Variants in RPGRIP1L observed in about 807,000 individuals in gnomAD.
The protein encoded by RPGRIP1L is RPGRIP1 like.
In RPGRIP1L, 131 loss-of-function variants were observed where a neutral mutation model predicts 160.4. That is an observed-to-expected ratio of 0.82 (90% CI 0.71 to 0.94). RPGRIP1L has a LOEUF of 0.94. Ranked by LOEUF, RPGRIP1L falls within the 40% of genes least tolerant of loss-of-function variation. RPGRIP1L has a pLI of 0.00. For missense variants in RPGRIP1L, 1,522 were observed against 1,535.8 expected (o/e 0.99, Z 0.15); for synonymous variants, 510 against 515.8 (o/e 0.99, Z 0.15).
rs922255481 is a variant in RPGRIP1L at position 53,607,668 on chromosome 16, T to C, written c.3702-2054A>G. Among the ~76,000 whole-genome samples, 6 of 152,332 alleles carry C rather than the reference T, an allele frequency of 3.9e-5. No homozygotes were observed. In the South Asian group the frequency reaches 8.3e-4, roughly 21 times the overall value. ...GTATCACTTTACAAATGCAGACAATTACCTCCACTGAATATATGAGAATTC... is the reference window on the plus strand; with the variant it reads ...GTATCACTTTACAAATGCAGACAATCACCTCCACTGAATATATGAGAATTC... On this transcript the variant is annotated intron_variant, in intron 25 of 26. Transcript: ENST00000647211.
intron 10 of RPGRIP1L, chr16:53,659,101 G>T: frequency 3.1e-6 from 2 of 655,084 alleles, no homozygotes; most frequent in South Asian, 2.3e-5. Context: ...AAAAACCCAA[G>T]ACATAAGTTC....
chr16:53,605,454 C>A (rs1963618744), intron 26 of RPGRIP1L, 27 bp downstream of exon 26: 1 of 1,613,894 alleles, frequency 6.2e-7, no homozygotes, highest in South Asian at 1.1e-5. Context: ...GTTGGTTGCA[C>A]AAACTGAGCA....
rs781713688 is a variant in RPGRIP1L, at chr16:53,656,490, G to A, written c.1681C>T (p.Arg561Cys). The stretch of plus-strand genomic sequence containing the variant: ...GTTGTACCTTCTAGTTTATGGATAC[G>A]TGCAGCCCTGATATCAAGAAGATGA... ...YVHLLDIRAARIHKLEAQLKD... is the reference protein window; with the variant it reads ...YVHLLDIRAACIHKLEAQLKD... The change falls in exon 14 of 27, where the codon CGT becomes TGT. Residue 561 changes from arginine to cysteine, a missense_variant. By Grantham distance (180) the Arg-to-Cys change is radical. Coordinates refer to ENST00000647211, the MANE Select transcript of RPGRIP1L (RefSeq NM_015272.5). The A allele has an allele frequency of 1.7e-5, 27 of 1,610,544 alleles. No homozygotes were observed. Among genetic ancestry groups the A allele is most frequent in the South Asian group, 1.6e-4 (15 of 91,022 alleles).
rs778962353 is a variant in RPGRIP1L at position 53,658,787 on chromosome 16, T to A, written c.1335A>T (p.Ile445=). The change falls in exon 11 of 27, where the codon ATA becomes ATT. Residue 445 remains isoleucine, a synonymous_variant. Coordinates refer to ENST00000647211, the MANE Select transcript of RPGRIP1L (RefSeq NM_015272.5). ...KQQLDELKKR[I]KLYNQENDIN... ...AATAATTCACCTGGTTGTACAATTTTATGCGTTTTTTAAGTTCATCAAGTT... is the reference window on the plus strand; with the variant it reads ...AATAATTCACCTGGTTGTACAATTTAATGCGTTTTTTAAGTTCATCAAGTT... 7 of 1,598,998 alleles carry A rather than the reference T, an allele frequency of 4.4e-6. No individual in the cohort carries two copies. Among genetic ancestry groups the A allele is most frequent in the Non-Finnish European group, 6.0e-6 (7 of 1,169,376 alleles).
At chr16:53,646,312 A>C (rs1339649361) in intron 16 of RPGRIP1L, among the ~76,000 whole-genome samples, 1 of 152,172 alleles carries the variant, frequency 6.6e-6, no homozygotes, top group Non-Finnish European at 1.5e-5. Context: ...ATAACTAAAG[A>C]CTATAGTGAG....
intron 15 of RPGRIP1L, 84 bp from the exon 16 acceptor site, chr16:53,649,199 C>T (rs938495042): frequency 2.3e-5 from 26 of 1,123,128 alleles, no homozygotes; most frequent in Non-Finnish European, 2.2e-5. Context: ...TGGCATTATG[C>T]ATTAAAACTA....
rs201711256 is a variant in RPGRIP1L, at chr16:53,637,783, C to T, written c.3132G>A (p.Val1044=). 13 of 1,613,042 alleles carry T rather than the reference C, an allele frequency of 8.1e-6. No homozygotes were observed. The highest frequency in any genetic ancestry group is 3.3e-5 in the South Asian group (3 of 91,078). Residue 1044 remains valine (V), a synonymous_variant, in exon 21 of 27, where the codon GTG becomes GTA. Coordinates refer to ENST00000647211, the MANE Select transcript of RPGRIP1L (RefSeq NM_015272.5). ...TEKMQQGKDD[V]SLLSEGQLAE... is the part of the protein sequence containing the mutation. ...CAAGCTGACCTTCAGATAGTAAAGA[C>T]ACATCATCTTTTCCTTGCTGCATTT...
intron 14 of RPGRIP1L, chr16:53,653,256 A>C (rs1966944858): frequency 5.5e-6 from 5 of 916,366 alleles, no homozygotes; most frequent in Non-Finnish European, 6.5e-6. Flanking sequence ...CAAAAGAAGA[A>C]AAGCGCTCTT....
At chr16:53,614,761 G>A (rs1964251372) in intron 24 of RPGRIP1L, among the ~76,000 whole-genome samples, 1 of 152,156 alleles carries the variant, frequency 6.6e-6, no homozygotes, top group South Asian at 2.1e-4. Context: ...CAAAAGTTAA[G>A]GTATTTACCT....
chr16:53,620,196 G>A (rs1181261734), intron 23 of RPGRIP1L, among the ~76,000 whole-genome samples: 1 of 152,062 alleles, frequency 6.6e-6, no homozygotes, highest in Non-Finnish European at 1.5e-5. Context: ...ATTCACCATA[G>A]TGGTTACTTA....
At chr16:53,640,968 G>T in intron 19 of RPGRIP1L, 65 bp downstream of exon 19, 1 of 1,084,840 alleles carries the variant, frequency 9.2e-7, no homozygotes, top group Non-Finnish European at 1.4e-6. Context: ...GGAATAATAT[G>T]CCTATATAAT....
chr16:53,660,891 TA>T (rs534819342), intron 10 of RPGRIP1L, among the ~76,000 whole-genome samples: 6,470 of 116,860 alleles, frequency 0.055, 144 homozygotes, highest in Middle Eastern at 0.098. Context: ...AGACTACATC[TA>T]AAAAAAAAAA....
chr16:53,678,154 AAC>A (rs1402284312), intron 6 of RPGRIP1L, among the ~76,000 whole-genome samples: 21 of 149,320 alleles, frequency 1.4e-4, no homozygotes, highest in African/African-American at 2.9e-4. Flanking sequence ...TTTTTAAAAA[AAC>A]CATGATTTTA....
At chr16:53,662,788 C>T (rs1228990642) in intron 10 of RPGRIP1L, among the ~76,000 whole-genome samples, 2 of 152,052 alleles carry the variant, frequency 1.3e-5, no homozygotes, top group South Asian at 2.1e-4. Flanking sequence ...GTAATAGTTG[C>T]ATTAAAAGTA....
At chr16:53,648,122 A>C (rs1279778400) in intron 16 of RPGRIP1L, among the ~76,000 whole-genome samples, 1 of 151,592 alleles carries the variant, frequency 6.6e-6, no homozygotes, top group Non-Finnish European at 1.5e-5. Flanking sequence ...AAAAAAAAAA[A>C]AAAAAGATTC....
intron 3 of RPGRIP1L, chr16:53,695,859 C>A: frequency 3.1e-6 from 1 of 326,590 alleles, no homozygotes; most frequent in Non-Finnish European, 5.6e-6. Flanking sequence ...TGGCCATTTG[C>A]TTATTAAACT....
At chr16:53,640,941 C>T (rs1966173560) in intron 19 of RPGRIP1L, 92 bp downstream of exon 19, 1 of 878,144 alleles carries the variant, frequency 1.1e-6, no homozygotes, top group Non-Finnish European at 1.9e-6. Flanking sequence ...TCACCTGTTT[C>T]CATTTAAATC....
intron 22 of RPGRIP1L, among the ~76,000 whole-genome samples, chr16:53,635,084 A>G (rs1295958118): frequency 6.6e-6 from 1 of 152,224 alleles, no homozygotes; most frequent in Non-Finnish European, 1.5e-5. Context: ...GTAATGAGAA[A>G]AAAATCCAGT....
chr16:53,675,461 T>C (rs554940732), intron 6 of RPGRIP1L, among the ~76,000 whole-genome samples: 3 of 152,214 alleles, frequency 2.0e-5, no homozygotes, highest in East Asian at 1.9e-4. Flanking sequence ...TAGTTTTTAG[T>C]ATAGCAATGG....
Sources: gnomAD v4.1 joint callset for allele counts (sites outside exome capture counted in the v4.1 genomes callset) on GRCh38, gnomAD v4.1.1 for gene constraint, MANE v1.5 for transcripts, NCBI Gene and HGNC (gene_info 2026-07-23, HGNC 2026-07-21) for gene names.